Variants in MDM1 observed in about 807,000 individuals in gnomAD.
The protein encoded by MDM1 is Mdm1 nuclear protein.
MDM1 carries 61 observed loss-of-function variants against 89.1 expected under a neutral mutation model. The ratio of observed to expected loss-of-function variants is 0.68; its 90% CI spans 0.56 to 0.85. The LOEUF (loss-of-function observed/expected upper bound fraction) is 0.85. MDM1 is among the 40% of genes least tolerant of loss of function. The pLI is 0.00. For synonymous variants in MDM1, 290 were observed against 294.1 expected (o/e 0.99, Z 0.14); for missense variants, 820 against 846.5 (o/e 0.97, Z 0.39).
Position 68,326,076 on chromosome 12 carries a change from T to C in MDM1, c.499-501A>G. On this transcript the variant is annotated intron_variant, in intron 3 of 14. Transcript: ENST00000682720. ...GTGGACATGAACCAGAGAAGAGCAG[T>C]GGAACAGAATGGAGAAAGAAATGTG... 3.0e-6 allele frequency: 3 copies of C among 998,862 alleles called. No homozygotes were observed. In the South Asian group the frequency reaches 1.3e-4, roughly 44 times the overall value. The allele number at this position is 998,862 out of a possible 1,614,324, so 61.9% of individuals were successfully genotyped here.
At position 68,316,230 on chromosome 12, in the gene MDM1, A is replaced by G; in HGVS notation, c.1059T>C (p.Ala353=). 1.2e-6 allele frequency: 2 copies of G among 1,613,514 alleles called. No individual in the cohort carries two copies. The highest frequency in any genetic ancestry group is 1.1e-5 in the South Asian group (1 of 90,982). Reference sequence around the variant, plus strand: ...CCTGAACTCGCTTCCTATAAAACTCAGCCTTTTCTCGGAGTTCTTTAACCT... The same window carrying G: ...CCTGAACTCGCTTCCTATAAAACTCGGCCTTTTCTCGGAGTTCTTTAACCT... The part of the protein sequence containing the change: ...YAEVKELREK[A]EFYRKRVQGT... The change falls in exon 9 of 15, where the codon GCT becomes GCC. Residue 353 remains alanine, a synonymous_variant. Transcript: ENST00000682720.
intron 12 of MDM1, among the ~76,000 whole-genome samples, chr12:68,310,758 TG>T (rs1488599450): frequency 6.6e-6 from 1 of 152,240 alleles, no homozygotes; most frequent in Non-Finnish European, 1.5e-5. Flanking sequence ...ATCTCCCACC[TG>T]TTCCCAATCC....
intron 13 of MDM1, among the ~76,000 whole-genome samples, chr12:68,301,462 G>A (rs1220838857): frequency 6.6e-6 from 1 of 152,082 alleles, no homozygotes. Context: ...ACTTGGGGTG[G>A]GGGAAGGGAT....
Position 68,295,373 on chromosome 12 carries a change from T to C in MDM1, c.2063-7A>G. 1.3e-6 allele frequency: 2 copies of C among 1,578,840 alleles called. No individual in the cohort carries two copies. The highest frequency in any genetic ancestry group is 1.7e-4 in the Middle Eastern group (1 of 5,994). On this transcript the variant is annotated splice_polypyrimidine_tract_variant and splice_region_variant and intron_variant, in intron 14 of 14. Transcript: ENST00000682720. ...TCAGACAATCTGTCCTCATCTGCAA[T>C]GAAAAAATCCCGAGATTATATTCAT...
chr12:68,299,370 A>C (rs1871842228), intron 13 of MDM1, among the ~76,000 whole-genome samples: 1 of 152,156 alleles, frequency 6.6e-6, no homozygotes, highest in African/African-American at 2.4e-5. Flanking sequence ...GAAAGGTGAA[A>C]ACCAACATAA....
At chr12:68,321,831 T>C (rs10506558) in intron 5 of MDM1, among the ~76,000 whole-genome samples, 1 of 152,174 alleles carries the variant, frequency 6.6e-6, no homozygotes, top group Admixed American at 6.5e-5. Context: ...TTTTGAAGTT[T>C]AGCTGAGGAT....
chr12:68,301,932 C>T (rs1036229309), intron 13 of MDM1, among the ~76,000 whole-genome samples: 2 of 152,090 alleles, frequency 1.3e-5, no homozygotes, highest in Admixed American at 6.6e-5. Context: ...CCTGCCTTGG[C>T]CTCCCAAAGT....
At position 68,325,587 on chromosome 12, in the gene MDM1, A is replaced by C; in HGVS notation, c.499-12T>G. 2.0e-6 allele frequency: 3 copies of C among 1,501,392 alleles called. No individual in the cohort carries two copies. The highest frequency in any genetic ancestry group is 2.7e-6 in the Non-Finnish European group (3 of 1,125,988). The allele number at this position is 1,501,392 out of a possible 1,614,324, so 93.0% of individuals were successfully genotyped here. ...AGAAGTCTATCCAACTGTTCAAAAA[A>C]CAAAATCCACTCAAAGACATTAAAA... On this transcript the variant is annotated splice_polypyrimidine_tract_variant and intron_variant, in intron 3 of 14. Transcript: ENST00000682720.
chr12:68,316,615 A>G lies in MDM1; in HGVS notation c.1006-5T>C. ...CCACATGGCATTTAGAGAACCCTAGAGAAGGAATACAGAAACACACTTAAT... is the reference window on the plus strand; with the variant it reads ...CCACATGGCATTTAGAGAACCCTAGGGAAGGAATACAGAAACACACTTAAT... On this transcript the variant is annotated splice_polypyrimidine_tract_variant and splice_region_variant and intron_variant, in intron 7 of 14. Coordinates refer to ENST00000682720, the MANE Select transcript of MDM1 (RefSeq NM_001354969.2). 1 of 1,534,672 alleles carries G rather than the reference A, an allele frequency of 6.5e-7. No individual in the cohort carries two copies. Among genetic ancestry groups the G allele is most frequent in the Admixed American group, 2.0e-5 (1 of 50,962 alleles).
Position 68,327,382 on chromosome 12 carries a change from G to C in MDM1, c.134-361C>G, listed in dbSNP as rs1335964631. 2.6e-6 allele frequency: 4 copies of C among 1,534,902 alleles called. No individual in the cohort carries two copies. The African/African-American group carries it at 5.5e-5, about 21-fold the overall frequency. On this transcript the variant is annotated intron_variant, in intron 2 of 14. Coordinates refer to ENST00000682720, the MANE Select transcript of MDM1 (RefSeq NM_001354969.2). Reference sequence around the variant, plus strand: ...AATTACTTTCCTGTGCTACTTAACAGAACAATGGGCCCTGGTACTGTCAAA... The same window carrying C: ...AATTACTTTCCTGTGCTACTTAACACAACAATGGGCCCTGGTACTGTCAAA...
intron 13 of MDM1, among the ~76,000 whole-genome samples, chr12:68,300,053 C>A (rs1195520286): frequency 1.3e-5 from 2 of 152,142 alleles, no homozygotes; most frequent in Non-Finnish European, 2.9e-5. Flanking sequence ...AAACAGAACA[C>A]CTATCAGCCA....
At chr12:68,327,912 G>T (rs1876248136) in intron 2 of MDM1, among the ~76,000 whole-genome samples, 1 of 152,160 alleles carries the variant, frequency 6.6e-6, no homozygotes, top group Non-Finnish European at 1.5e-5. Flanking sequence ...ACAGAAGTGG[G>T]CAGCTTAAGG....
chr12:68,311,656 T>A (rs548542612), intron 12 of MDM1, among the ~76,000 whole-genome samples: 1 of 152,318 alleles, frequency 6.6e-6, no homozygotes, highest in Admixed American at 6.5e-5. Flanking sequence ...TCCTGCATCA[T>A]CAACTTTTCT....
intron 9 of MDM1, 72 bp from the exon 10 acceptor site, chr12:68,315,337 A>C: frequency 7.1e-7 from 1 of 1,401,100 alleles, no homozygotes; most frequent in Non-Finnish European, 9.8e-7. Flanking sequence ...AATTTTAGTG[A>C]GTCCATCATT....
chr12:68,299,573 C>T (rs915596239), intron 13 of MDM1, among the ~76,000 whole-genome samples: 1 of 151,842 alleles, frequency 6.6e-6, no homozygotes, highest in Admixed American at 6.6e-5. Context: ...GAGGAAAAAG[C>T]AGAAAAAAGA....
chr12:68,325,521 C>T lies in MDM1; in HGVS notation c.553G>A (p.Ala185Thr). The T allele has an allele frequency of 6.3e-7, 1 of 1,598,564 alleles. No homozygotes were observed. Among genetic ancestry groups the T allele is most frequent in the East Asian group, 2.3e-5 (1 of 44,258 alleles). The change falls in exon 4 of 15, where the codon GCC becomes ACC. Residue 185 changes from alanine (A) to threonine (T), a missense_variant. Coordinates refer to ENST00000682720, the MANE Select transcript of MDM1 (RefSeq NM_001354969.2). ...AGLTVVPSYN[A>T]LRNSEYQRQF... Reference sequence around the variant, plus strand: ...CTTTGATATTCAGAATTTCTCAAGGCATTATATGAAGGAACAACAGTCAAT... The same window carrying T: ...CTTTGATATTCAGAATTTCTCAAGGTATTATATGAAGGAACAACAGTCAAT...
At chr12:68,321,967 C>T (rs961111357) in intron 5 of MDM1, among the ~76,000 whole-genome samples, 4 of 152,056 alleles carry the variant, frequency 2.6e-5, no homozygotes, top group East Asian at 1.9e-4. Flanking sequence ...TTTACAATTG[C>T]GTTACAGTAA....
At chr12:68,331,517 C>G (rs1474038507) in intron 1 of MDM1, among the ~76,000 whole-genome samples, 1 of 152,216 alleles carries the variant, frequency 6.6e-6, no homozygotes, top group African/African-American at 2.4e-5. Flanking sequence ...TGTCGGATAA[C>G]TAATGACAAT....
chr12:68,308,071 T>C (rs914861504), intron 12 of MDM1, among the ~76,000 whole-genome samples: 3 of 151,654 alleles, frequency 2.0e-5, no homozygotes, highest in Non-Finnish European at 4.4e-5. Context: ...CCAGCCACAC[T>C]TTTAATCTCT....
Sources: allele counts gnomAD v4.1 joint callset (sites outside exome capture counted in the v4.1 genomes callset), GRCh38; gene constraint gnomAD v4.1.1; transcripts MANE v1.5; gene names NCBI Gene and HGNC (gene_info 2026-07-23, HGNC 2026-07-21).